SLC4A1AP: variants seen among roughly 807,000 people sequenced by gnomAD.
The protein encoded by SLC4A1AP is solute carrier family 4 member 1 adaptor protein.
In SLC4A1AP, 64 loss-of-function variants were observed where a neutral mutation model predicts 89.7. The ratio of observed to expected loss-of-function variants is 0.71; its 90% confidence interval spans 0.58 to 0.88. The LOEUF (loss-of-function observed/expected upper bound fraction) is 0.88, where lower values mean the gene tolerates loss of function less well. SLC4A1AP is among the 40% of genes least tolerant of loss of function. The pLI, the probability that SLC4A1AP is intolerant of heterozygous loss-of-function variation, is 0.00. For synonymous variants in SLC4A1AP, 366 were observed against 353.3 expected (o/e 1.04, Z -0.40); for missense variants, 931 against 965.0 (o/e 0.96, Z 0.47).
At chr2:27,684,946 T>C in intron 9 of SLC4A1AP, 91 bp from the exon 10 acceptor site, 2 of 1,418,754 alleles carry the variant, frequency 1.4e-6, no homozygotes, top group South Asian at 1.4e-5. Context: ...AGAGTAAACA[T>C]TCAGTACATT....
chr2:27,668,207 G>A (rs1008540688), intron 3 of SLC4A1AP, among the ~76,000 whole-genome samples: 1 of 151,594 alleles, frequency 6.6e-6, no homozygotes, highest in African/African-American at 2.4e-5. Context: ...GGAGTGCAGT[G>A]GTGCGATCTC....
chr2:27,668,986 GAGTAACTTTCAT>G, intron 4 of SLC4A1AP, 83 bp downstream of exon 4: 2 of 1,331,096 alleles, frequency 1.5e-6, no homozygotes, highest in Non-Finnish European at 2.1e-6. Flanking sequence ...ACAACCCAAA[GAGTAACTTTCAT>G]CTAAGTTTAA....
At chr2:27,667,514 T>C in intron 3 of SLC4A1AP, 124 bp downstream of exon 3, 1 of 962,246 alleles carries the variant, frequency 1.0e-6, no homozygotes, top group Non-Finnish European at 1.4e-6. Flanking sequence ...CTTGTTCACT[T>C]TTTACTCTTG....
At chr2:27,665,393 C>G in intron 2 of SLC4A1AP, 98 bp downstream of exon 2, 1 of 1,038,628 alleles carries the variant, frequency 9.6e-7, no homozygotes, top group Non-Finnish European at 1.4e-6. Flanking sequence ...TTCATGGCTC[C>G]TTGAGATAGA....
chr2:27,667,900 G>A (rs1313737549), intron 3 of SLC4A1AP, among the ~76,000 whole-genome samples: 1 of 151,594 alleles, frequency 6.6e-6, no homozygotes, highest in African/African-American at 2.4e-5. Flanking sequence ...ATATGAAATA[G>A]CTGTGCACTT....
intron 8 of SLC4A1AP, among the ~76,000 whole-genome samples, chr2:27,679,299 G>C (rs548652654): frequency 6.6e-6 from 1 of 152,312 alleles, no homozygotes; most frequent in East Asian, 1.9e-4. Context: ...GTTTATCAAA[G>C]GGGATGGATT....
chr2:27,663,916 T>A, exon 1 of SLC4A1AP: 1 of 1,614,120 alleles, frequency 6.2e-7, no homozygotes, highest in South Asian at 1.1e-5. Flanking sequence ...CGGTTGAGGA[T>A]GGCTGACATT....
chr2:27,678,972 C>A (rs1052895207), intron 8 of SLC4A1AP, among the ~76,000 whole-genome samples: 1 of 152,080 alleles, frequency 6.6e-6, no homozygotes, highest in Non-Finnish European at 1.5e-5. Context: ...CCCACCTCAG[C>A]CTCCCAAAGT....
At chr2:27,666,303 GT>G (rs1258896617) in intron 2 of SLC4A1AP, among the ~76,000 whole-genome samples, 4 of 128,514 alleles carry the variant, frequency 3.1e-5, no homozygotes, top group Non-Finnish European at 6.3e-5. Flanking sequence ...TAGAGATGGG[GT>G]TTCACCATAT....
rs139206651 is a variant in SLC4A1AP, at chr2:27,685,053, G to A, written c.1892G>A (p.Arg631His). 2.9e-4 allele frequency: 465 copies of A among 1,609,368 alleles called. 1 individual carries two copies. The African/African-American group carries it at 4.4e-3, about 15-fold the overall frequency. ...CCCTCTTAGAAGTTACCCCCCAAGCGTCCAGAACTCCCTCCAACTCTAATG... is the reference window on the plus strand; with the variant it reads ...CCCTCTTAGAAGTTACCCCCCAAGCATCCAGAACTCCCTCCAACTCTAATG... The change falls in exon 10 of 14, where the codon CGT (arginine) becomes CAT (histidine). Residue 631 changes from arginine to histidine, a missense_variant. By Grantham distance (29) the Arg-to-His change is conservative. Coordinates refer to ENST00000613058, the Ensembl canonical transcript of SLC4A1AP.
chr2:27,688,894 T>C (rs1208464928), intron 12 of SLC4A1AP, 127 bp downstream of exon 12: 2 of 614,442 alleles, frequency 3.3e-6, no homozygotes, highest in African/African-American at 1.9e-5. Flanking sequence ...CCTAGAAATC[T>C]AGATTCTTTG....
At chr2:27,675,768 G>A (rs945874675) in intron 6 of SLC4A1AP, 76 bp downstream of exon 6, 1 of 977,010 alleles carries the variant, frequency 1.0e-6, no homozygotes, top group African/African-American at 1.7e-5. Flanking sequence ...ATTTAAATAT[G>A]TTTTATGATA....
At chr2:27,672,333 T>G (rs1269205250) in intron 5 of SLC4A1AP, among the ~76,000 whole-genome samples, 2 of 148,216 alleles carry the variant, frequency 1.3e-5, no homozygotes, top group African/African-American at 5.3e-5. Flanking sequence ...GTCTTTTCCT[T>G]CTTGAGAGAT....
intron 8 of SLC4A1AP, 58 bp downstream of exon 8, chr2:27,677,982 CA>C: frequency 8.9e-7 from 1 of 1,118,670 alleles, no homozygotes; most frequent in South Asian, 1.7e-5. Context: ...ATAACATTTT[CA>C]ATTATCGCTT....
At chr2:27,686,974 G>A (rs1345379679) in intron 10 of SLC4A1AP, among the ~76,000 whole-genome samples, 2 of 152,126 alleles carry the variant, frequency 1.3e-5, no homozygotes, top group Non-Finnish European at 2.9e-5. Flanking sequence ...GCACATGCTT[G>A]TAGAGAAAAT....
intron 1 of SLC4A1AP, 108 bp from the exon 2 acceptor site, chr2:27,664,992 G>T: frequency 2.5e-6 from 2 of 790,958 alleles, no homozygotes; most frequent in Non-Finnish European, 4.0e-6. Flanking sequence ...AGGAGGTCAA[G>T]GCTGCAGTGA....
intron 6 of SLC4A1AP, among the ~76,000 whole-genome samples, 156 bp downstream of exon 6, chr2:27,675,848 A>G (rs1675512982): frequency 6.6e-6 from 1 of 152,226 alleles, no homozygotes; most frequent in Non-Finnish European, 1.5e-5. Flanking sequence ...TTTAATGGTA[A>G]CAGACAACTA....
At chr2:27,669,459 C>T in intron 5 of SLC4A1AP, 72 bp downstream of exon 5, 2 of 1,348,268 alleles carry the variant, frequency 1.5e-6, no homozygotes, top group Admixed American at 5.3e-5. Context: ...AATAAAACTT[C>T]TTTATGGGGG....
chr2:27,675,726 T>A, intron 6 of SLC4A1AP, 34 bp downstream of exon 6: 1 of 1,417,024 alleles, frequency 7.1e-7, no homozygotes, highest in Non-Finnish European at 9.5e-7. Flanking sequence ...CTGTGGTATT[T>A]AATAGTTTAA....
Sources: gnomAD v4.1 joint callset for allele counts (sites outside exome capture counted in the v4.1 genomes callset) on GRCh38, gnomAD v4.1.1 for gene constraint, MANE v1.5 for transcripts, NCBI Gene and HGNC (gene_info 2026-07-23, HGNC 2026-07-21) for gene names.